The following VPS13A variants were observed in gnomAD, a reference collection of about 807,000 sequenced individuals.
VPS13A encodes intermembrane lipid transfer protein VPS13A.
VPS13A carries 264 observed loss-of-function variants against 390.9 expected under a neutral mutation model. The ratio of observed to expected loss-of-function variants is 0.68; its 90% CI spans 0.61 to 0.75. The LOEUF (loss-of-function observed/expected upper bound fraction) is 0.75. VPS13A is among the 30% of genes least tolerant of loss of function. The probability of loss-of-function intolerance (pLI) is 0.00; values close to 1 mark genes in which losing one functional copy is unlikely to be tolerated. For synonymous variants in VPS13A, 1,231 were observed against 1,227.1 expected (o/e 1.00, Z -0.07); for missense variants, 3,409 against 3,733.9 (o/e 0.91, Z 2.27).
chr9:77,413,480 A>G (rs1835032629), intron 71 of VPS13A, among the ~76,000 whole-genome samples: 1 of 152,228 alleles, frequency 6.6e-6, no homozygotes, highest in Admixed American at 6.5e-5. Context: ...GACAAAAACA[A>G]GAAATGGGGA....
At chr9:77,265,962 CT>C (rs1380618314) in intron 23 of VPS13A, among the ~76,000 whole-genome samples, 2 of 152,198 alleles carry the variant, frequency 1.3e-5, no homozygotes, top group Admixed American at 1.3e-4. Context: ...CCTCTAAACA[CT>C]GCTTTAGCTG....
chr9:77,282,598 A>G (rs1827104967), intron 29 of VPS13A, among the ~76,000 whole-genome samples: 1 of 152,136 alleles, frequency 6.6e-6, no homozygotes, highest in African/African-American at 2.4e-5. Flanking sequence ...TATGCATTTC[A>G]TGACATTATT....
At chr9:77,201,271 C>T in intron 2 of VPS13A, 94 bp from the exon 3 acceptor site, 7 of 830,264 alleles carry the variant, frequency 8.4e-6, no homozygotes, top group Non-Finnish European at 1.4e-5. Context: ...TTAAAAAATC[C>T]CTTGAAATAA....
chr9:77,357,553 G>C (rs964566897), intron 55 of VPS13A, 139 bp from the exon 56 acceptor site: 2 of 812,370 alleles, frequency 2.5e-6, no homozygotes, highest in Non-Finnish European at 1.9e-6. Flanking sequence ...TGAATTTTAT[G>C]GACATGGGAT....
chr9:77,337,647 T>A (rs1443891745), intron 47 of VPS13A, 110 bp downstream of exon 47: 2 of 1,054,602 alleles, frequency 1.9e-6, no homozygotes, highest in Non-Finnish European at 2.7e-6. Context: ...ATTAGAATAC[T>A]AGTAAAGAAT....
In VPS13A at chr9:77,323,290, A is replaced by AAAC. The variant is rs879805944; in HGVS notation, c.5991+75_5991+77dup. 51 of 1,548,646 alleles carry AAAC rather than the reference A, an allele frequency of 3.3e-5. No individual in the cohort carries two copies. In the Admixed American group the frequency reaches 8.0e-4, roughly 24 times the overall value. ...CATATCTGTGTGCTAATAAAATTAAAAACAACAACAACAAATTATTACTGA... is the reference window on the plus strand; with the variant it reads ...CATATCTGTGTGCTAATAAAATTAAAAACAACAACAACAACAAATTATTACTGA... On this transcript the variant is annotated intron_variant, in intron 45 of 71. Transcript: ENST00000360280.
intron 24 of VPS13A, among the ~76,000 whole-genome samples, chr9:77,273,567 T>C (rs1455623285): frequency 2.0e-5 from 3 of 152,118 alleles, no homozygotes; most frequent in African/African-American, 7.2e-5. Context: ...ATTTCATGGG[T>C]ACATGCAAGA....
intron 33 of VPS13A, among the ~76,000 whole-genome samples, chr9:77,302,347 C>T (rs1211361043): frequency 6.8e-6 from 1 of 146,776 alleles, no homozygotes; most frequent in Admixed American, 6.8e-5. Flanking sequence ...AAAATTGTAT[C>T]GAAAAATACA....
intron 24 of VPS13A, 79 bp from the exon 25 acceptor site, chr9:77,275,419 G>T: frequency 1.5e-6 from 2 of 1,361,310 alleles, no homozygotes; most frequent in Non-Finnish European, 2.1e-6. Context: ...GTGTTTTAGT[G>T]TTCATATTTA....
intron 58 of VPS13A, among the ~76,000 whole-genome samples, 168 bp from the exon 59 acceptor site, chr9:77,360,368 T>C: frequency 6.6e-6 from 1 of 152,164 alleles, no homozygotes; most frequent in East Asian, 1.9e-4. Context: ...ATATTTTGAC[T>C]TTGTTGCTGT....
chr9:77,306,968 G>A (rs533148436), intron 34 of VPS13A, among the ~76,000 whole-genome samples: 24 of 150,042 alleles, frequency 1.6e-4, no homozygotes, highest in Middle Eastern at 3.4e-3. Flanking sequence ...GGGCAGTGGC[G>A]CGATCTCGGC....
intron 67 of VPS13A, among the ~76,000 whole-genome samples, chr9:77,377,789 A>G (rs1833190795): frequency 6.6e-6 from 1 of 152,166 alleles, no homozygotes; most frequent in Admixed American, 6.5e-5. Context: ...AGACATGCCT[A>G]TATTGCTTTT....
At position 77,272,551 on chromosome 9, in the gene VPS13A, A is replaced by C. The variant is rs185370495; in HGVS notation, c.2428-729A>C. 1.7e-3 allele frequency among the ~76,000 whole-genome samples: 266 copies of C among 152,342 alleles called. 2 individuals are homozygous for C. In the South Asian group the frequency reaches 0.021, roughly 12 times the overall value. ...CTATCAGTGTGGTTAAAATTTAAAC[A>C]TTGTTTTGTAAAGGAAGTCACAGGA... On this transcript the variant is annotated intron_variant, in intron 23 of 71. Coordinates refer to ENST00000360280, the MANE Select transcript of VPS13A (RefSeq NM_033305.3).
intron 42 of VPS13A, 36 bp from the exon 43 acceptor site, chr9:77,321,133 A>G: frequency 6.3e-7 from 1 of 1,584,502 alleles, no homozygotes; most frequent in Non-Finnish European, 8.7e-7. Context: ...GTGTTCTTAG[A>G]ATTTTTCCTT....
chr9:77,403,390 T>C, intron 69 of VPS13A, 69 bp downstream of exon 69: 1 of 1,257,422 alleles, frequency 8.0e-7, no homozygotes. Flanking sequence ...GAGGTGAAGA[T>C]TTGTTATTCA....
chr9:77,251,153 C>T (rs988217981), intron 21 of VPS13A, among the ~76,000 whole-genome samples: 2 of 152,166 alleles, frequency 1.3e-5, no homozygotes, highest in African/African-American at 2.4e-5. Context: ...GTATTTTTAT[C>T]ATATTCTAAT....
Position 77,339,901 on chromosome 9 carries a change from A to G in VPS13A, c.6764A>G (p.Asn2255Ser), listed in dbSNP as rs1830723852. The change falls in exon 48 of 72, where the codon AAT (asparagine) becomes AGT (serine). Residue 2255 changes from asparagine (N) to serine (S), a missense_variant. By Grantham distance (46) the Asn-to-Ser change is conservative. Transcript: ENST00000360280. ...LFSFQPNHFF[N>S]NNKVQLMVTD... ...TCTTTTCAGCCAAATCACTTTTTTA[A>G]TAACAATAAGGTATGCGATGTTTAT... is the stretch of plus-strand genomic sequence containing the variant. 1 of 1,610,896 alleles carries G rather than the reference A, an allele frequency of 6.2e-7. No individual in the cohort carries two copies. Among genetic ancestry groups the G allele is most frequent in the Non-Finnish European group, 8.5e-7 (1 of 1,179,866 alleles).
Position 77,253,601 on chromosome 9 carries a change from G to T in VPS13A, c.2288+1249G>T, listed in dbSNP as rs967498341. ...ATTACAGGCATGAGCTGCCGCACCC[G>T]GCTGAGTTGTGAGAGTTTTAAAATA... On this transcript the variant is annotated intron_variant, in intron 22 of 71. Coordinates refer to ENST00000360280, the MANE Select transcript of VPS13A (RefSeq NM_033305.3). Among the ~76,000 whole-genome samples, 3 of 152,100 alleles carry T rather than the reference G, an allele frequency of 2.0e-5. No individual in the cohort carries two copies. The East Asian group carries it at 5.8e-4, about 29-fold the overall frequency.
At chr9:77,342,041 G>A (rs758832040) in intron 50 of VPS13A, among the ~76,000 whole-genome samples, 12 of 152,010 alleles carry the variant, frequency 7.9e-5, no homozygotes, top group Non-Finnish European at 1.6e-4. Flanking sequence ...AAGAGCCAGG[G>A]GTGGTCTCTA....
Sources: gnomAD v4.1 joint callset for allele counts (sites outside exome capture counted in the v4.1 genomes callset) on GRCh38, gnomAD v4.1.1 for gene constraint, MANE v1.5 for transcripts, NCBI Gene and HGNC (gene_info 2026-07-23, HGNC 2026-07-21) for gene names.